The following COBLL1 variants were observed in gnomAD, a reference collection of about 807,000 sequenced individuals.
The protein encoded by COBLL1 is cordon-bleu protein-like 1.
A neutral mutation model predicts 94.8 loss-of-function variants in COBLL1; 50 were observed. That is an observed-to-expected ratio of 0.53 (90% CI 0.42 to 0.67). COBLL1 has a LOEUF of 0.67. COBLL1 is among the 30% of genes least tolerant of loss of function. The pLI, the probability that COBLL1 is intolerant of heterozygous loss-of-function variation, is 0.00. For missense variants in COBLL1, 1,362 were observed against 1,348.7 expected, an observed-to-expected ratio of 1.01 and a Z score of -0.15; for synonymous variants, 448 against 473.8, an observed-to-expected ratio of 0.95 and a Z score of 0.71.
At chr2:164,721,445 G>A (rs1188481150) in intron 7 of COBLL1, among the ~76,000 whole-genome samples, 2 of 152,170 alleles carry the variant, frequency 1.3e-5, no homozygotes, top group East Asian at 1.9e-4. Context: ...GCAAACTCAG[G>A]GAAAATTTGA....
At chr2:164,736,469 G>T (rs886539025) in intron 3 of COBLL1, among the ~76,000 whole-genome samples, 1 of 152,108 alleles carries the variant, frequency 6.6e-6, no homozygotes, top group Non-Finnish European at 1.5e-5. Context: ...TTACTAAGCT[G>T]ATAAGTTCTT....
intron 2 of COBLL1, among the ~76,000 whole-genome samples, chr2:164,822,615 A>C (rs1685219474): frequency 6.6e-6 from 1 of 152,078 alleles, no homozygotes; most frequent in Admixed American, 6.6e-5. Context: ...GTTGATGTTA[A>C]CTTCCCAAAG....
Position 164,783,451 on chromosome 2 carries a change from G to A in COBLL1, c.42-39576C>T, listed in dbSNP as rs1039162850. 2.3e-5 allele frequency among the ~76,000 whole-genome samples: 3 copies of A among 133,188 alleles called. No individual in the cohort carries two copies. The South Asian group carries it at 6.4e-4, about 28-fold the overall frequency. The allele number at this position is 133,188 out of a possible 152,430, so 87.4% of individuals were successfully genotyped here. ...AAAGAAAGGAAGAGAAAAGAAAAGA[G>A]AGGAGAGAGGAGAGAAGAGAGCCTC... is the stretch of plus-strand genomic sequence containing the variant. On this transcript the variant is annotated intron_variant, in intron 2 of 13. Coordinates refer to ENST00000652658, the MANE Select transcript of COBLL1 (RefSeq NM_001365672.2).
Position 164,683,062 on chromosome 2 carries a change from C to A in COBLL1, c.*2884G>T, listed in dbSNP as rs554564480. On this transcript the variant is annotated 3_prime_UTR_variant, in exon 14 of 14. Coordinates refer to ENST00000652658, the MANE Select transcript of COBLL1 (RefSeq NM_001365672.2). ...CACAAAAGCCCCCAACAAACCTGCA[C>A]ACATGTACTTCATATAAATACATCT... 2 of 152,122 alleles carry A rather than the reference C, an allele frequency of 1.3e-5. 1 individual carries two copies. The highest frequency in any genetic ancestry group is 4.2e-4 in the South Asian group (2 of 4,802). The allele number at this position is 152,122 out of a possible 1,614,324, so 9.4% of individuals were successfully genotyped here. A position where few individuals can be genotyped will look rare whatever the true frequency, so the allele number is the denominator to read the frequency against.
chr2:164,796,527 T>C (rs1475763667), intron 2 of COBLL1, among the ~76,000 whole-genome samples: 1 of 152,066 alleles, frequency 6.6e-6, no homozygotes, highest in African/African-American at 2.4e-5. Context: ...TGCAGAAGTT[T>C]GCTTTATTTT....
intron 2 of COBLL1, among the ~76,000 whole-genome samples, chr2:164,809,684 C>G (rs111575806): frequency 5.1e-4 from 77 of 151,960 alleles, no homozygotes; most frequent in African/African-American, 1.6e-3. Context: ...TAGTCATTTC[C>G]ATTAAACAGA....
At chr2:164,748,563 T>A (rs1686981132) in intron 2 of COBLL1, among the ~76,000 whole-genome samples, 1 of 152,202 alleles carries the variant, frequency 6.6e-6, no homozygotes, top group African/African-American at 2.4e-5. Flanking sequence ...TCACAGTAAC[T>A]GCCATTGAAG....
intron 2 of COBLL1, among the ~76,000 whole-genome samples, chr2:164,786,920 G>C (rs1445781499): frequency 6.6e-6 from 1 of 151,934 alleles, no homozygotes; most frequent in Non-Finnish European, 1.5e-5. Context: ...TTCTCAAATG[G>C]ACTCTGTTCA....
chr2:164,690,181 G>T (rs1031262366), intron 13 of COBLL1, among the ~76,000 whole-genome samples: 3 of 151,940 alleles, frequency 2.0e-5, no homozygotes, highest in Admixed American at 1.3e-4. Context: ...CATTTTTAGG[G>T]TACGTAACTA....
At position 164,695,499 on chromosome 2, in the gene COBLL1, C is replaced by T; in HGVS notation, c.1893G>A (p.Val631=). The T allele has an allele frequency of 3.1e-6, 5 of 1,613,882 alleles. No homozygotes were observed. The highest frequency in any genetic ancestry group is 4.2e-6 in the Non-Finnish European group (5 of 1,179,886). ...NLSDSKVEEC[V]QTSNNNISTQ... is the part of the protein sequence containing the mutation. The stretch of plus-strand genomic sequence containing the variant: ...TTGATATGTTGTTATTTGAAGTTTG[C>T]ACACATTCTTCAACTTTGGAGTCAG... The change falls in exon 12 of 14, where the codon GTG becomes GTA. Residue 631 remains valine (V), a synonymous_variant. Transcript: ENST00000652658.
intron 2 of COBLL1, among the ~76,000 whole-genome samples, chr2:164,774,970 A>G (rs1432461490): frequency 6.6e-6 from 1 of 151,920 alleles, no homozygotes; most frequent in African/African-American, 2.4e-5. Flanking sequence ...GCCATGTTGT[A>G]TATCTTAAAT....
downstream of COBLL1, among the ~76,000 whole-genome samples, chr2:164,678,173 G>A (rs1454056875): frequency 6.6e-6 from 1 of 152,106 alleles, no homozygotes; most frequent in African/African-American, 2.4e-5. Flanking sequence ...GAAGAAAAAC[G>A]AGCAACTTTT....
At chr2:164,822,772 ATTAT>A (rs1559050542) in intron 2 of COBLL1, among the ~76,000 whole-genome samples, 1 of 118,002 alleles carries the variant, frequency 8.5e-6, no homozygotes, top group Non-Finnish European at 1.8e-5. Flanking sequence ...TATTATTATT[ATTAT>A]TATTATTTTG....
intron 2 of COBLL1, among the ~76,000 whole-genome samples, chr2:164,769,791 C>G (rs1280093074): frequency 6.6e-6 from 1 of 152,012 alleles, no homozygotes; most frequent in Admixed American, 6.6e-5. Context: ...CCACATATAC[C>G]CCCCCCAGAG....
chr2:164,818,175 T>C (rs969867327), intron 2 of COBLL1, among the ~76,000 whole-genome samples: 2 of 150,274 alleles, frequency 1.3e-5, no homozygotes, highest in African/African-American at 2.5e-5. Flanking sequence ...TACATGCACG[T>C]ATACACGTAT....
chr2:164,756,039 G>T (rs901280521), intron 2 of COBLL1, among the ~76,000 whole-genome samples: 1 of 150,012 alleles, frequency 6.7e-6, no homozygotes, highest in Non-Finnish European at 1.5e-5. Context: ...CGTGCGTATA[G>T]TGTGTATATG....
At chr2:164,799,753 T>C (rs1160503856) in intron 2 of COBLL1, among the ~76,000 whole-genome samples, 1 of 152,156 alleles carries the variant, frequency 6.6e-6, no homozygotes, top group Non-Finnish European at 1.5e-5. Context: ...TAGACACAGA[T>C]CAATGGAACA....
intron 2 of COBLL1, among the ~76,000 whole-genome samples, chr2:164,828,485 A>G (rs1011482612): frequency 1.3e-5 from 2 of 152,074 alleles, no homozygotes; most frequent in Non-Finnish European, 2.9e-5. Flanking sequence ...ACATAGCTAG[A>G]AAAAAAATAA....
At chr2:164,731,049 G>A (rs1221899901) in intron 3 of COBLL1, among the ~76,000 whole-genome samples, 4 of 152,142 alleles carry the variant, frequency 2.6e-5, no homozygotes, top group East Asian at 3.9e-4. Flanking sequence ...AGGTCAAAAT[G>A]GGCCCACAGT....
Sources: allele counts gnomAD v4.1 joint callset (sites outside exome capture counted in the v4.1 genomes callset), GRCh38; gene constraint gnomAD v4.1.1; transcripts MANE v1.5; gene names NCBI Gene and HGNC (gene_info 2026-07-23, HGNC 2026-07-21).